Variants in KIF2A observed in about 807,000 individuals in gnomAD.
KIF2A encodes the protein kinesin-like protein KIF2A.
In KIF2A, 22 loss-of-function variants were observed where a neutral mutation model predicts 100.2. The observed-to-expected ratio is 0.22, with a 90% CI of 0.16 to 0.31. KIF2A has a LOEUF of 0.31. Among genes scored for constraint, KIF2A ranks in the 10% least tolerant of loss-of-function variants. The pLI is 1.00. For missense variants in KIF2A, 495 were observed against 898.7 expected, an observed-to-expected ratio of 0.55 and a Z score of 5.74; for synonymous variants, 268 against 285.9, an observed-to-expected ratio of 0.94 and a Z score of 0.63.
chr5:62,321,236 A>C (rs1746075743), intron 1 of KIF2A, among the ~76,000 whole-genome samples: 1 of 152,150 alleles, frequency 6.6e-6, no homozygotes, highest in Admixed American at 6.5e-5. Context: ...TTTTGTGTGG[A>C]CATAAAAGAA....
chr5:62,333,065 T>C (rs1746739668), intron 1 of KIF2A, among the ~76,000 whole-genome samples: 1 of 152,240 alleles, frequency 6.6e-6, no homozygotes, highest in Non-Finnish European at 1.5e-5. Context: ...ATTTTTTATG[T>C]CTACTGTGAT....
rs761320629 is a variant in KIF2A at position 62,373,743 on chromosome 5, A to G, written c.1817A>G (p.His606Arg). 3 of 1,613,414 alleles carry G rather than the reference A, an allele frequency of 1.9e-6. No homozygotes were observed. In the South Asian group the frequency reaches 3.3e-5, roughly 18 times the overall value. The change falls in exon 18 of 21, where the codon CAC (histidine) becomes CGC (arginine). Residue 606 changes from histidine (H) to arginine (R), a missense_variant. This residue lies in a region of KIF2A where 100 missense variants were observed against 138.2 expected (regional missense o/e 0.72). Coordinates refer to ENST00000407818, the MANE Select transcript of KIF2A (RefSeq NM_001098511.3). ...GCTGGTGATGTTCGTCCAATAATGC[A>G]CCATCCACCAAACCAGATTGATGAC... Reference protein sequence around the residue: ...TAAGDVRPIMHHPPNQIDDLE... With the variant: ...TAAGDVRPIMRHPPNQIDDLE...
At chr5:62,361,027 A>T (rs1470538804) in intron 9 of KIF2A, among the ~76,000 whole-genome samples, 2 of 152,176 alleles carry the variant, frequency 1.3e-5, no homozygotes, top group Admixed American at 6.5e-5. Flanking sequence ...ATTGCTTGAA[A>T]TTATGCTTTA....
At chr5:62,332,651 T>G (rs1419797976) in intron 1 of KIF2A, among the ~76,000 whole-genome samples, 2 of 152,168 alleles carry the variant, frequency 1.3e-5, no homozygotes, top group Non-Finnish European at 2.9e-5. Flanking sequence ...TGTCATTTTT[T>G]TAGGTCAAAT....
chr5:62,373,726 T>C lies in KIF2A; in HGVS notation c.1800T>C (p.Asp600=). The change falls in exon 18 of 21, where the codon GAT becomes GAC. Residue 600 remains aspartate, a synonymous_variant. Coordinates refer to ENST00000407818, the MANE Select transcript of KIF2A (RefSeq NM_001098511.3). ...CTGTAGATCCAACTGCTGCTGGTGA[T>C]GTTCGTCCAATAATGCACCATCCAC... is the stretch of plus-strand genomic sequence containing the variant. ...ELTVDPTAAG[D]VRPIMHHPPN... 3 of 1,613,644 alleles carry C rather than the reference T, an allele frequency of 1.9e-6. No homozygotes were observed. Among genetic ancestry groups the C allele is most frequent in the Non-Finnish European group, 2.5e-6 (3 of 1,179,578 alleles).
chr5:62,365,969 G>A (rs1741046207), intron 15 of KIF2A, among the ~76,000 whole-genome samples: 1 of 152,046 alleles, frequency 6.6e-6, no homozygotes, highest in Non-Finnish European at 1.5e-5. Context: ...TCCCTTCTGG[G>A]ACAAACTTCA....
At chr5:62,356,203 A>G (rs1165960760) in intron 7 of KIF2A, among the ~76,000 whole-genome samples, 1 of 152,248 alleles carries the variant, frequency 6.6e-6, no homozygotes, top group Non-Finnish European at 1.5e-5. Flanking sequence ...AGATAGATGT[A>G]TTATATAGAA....
chr5:62,373,778 CAG>C lies in KIF2A; in HGVS notation c.1853_1854del (p.Gln618LeufsTer11). ...PPNQIDDLET[Q>X]WGVGSSPQRD... ...AAACCAGATTGATGACTTAGAGACA[CAG>C]TGGGGTGTGGGGAGTTCCCCTCAGA... On this transcript the variant is annotated frameshift_variant, in exon 18 of 21. Transcript: ENST00000407818. LOFTEE classifies it high-confidence loss of function. The C allele has an allele frequency of 6.2e-7, 1 of 1,613,068 alleles. No homozygotes were observed. The highest frequency in any genetic ancestry group is 8.5e-7 in the Non-Finnish European group (1 of 1,179,050).
chr5:62,367,597 G>A (rs1489845398), intron 16 of KIF2A, among the ~76,000 whole-genome samples: 2 of 152,034 alleles, frequency 1.3e-5, no homozygotes, highest in African/African-American at 4.8e-5. Context: ...GTTACATTTT[G>A]TTATTCATAT....
chr5:62,382,240 G>A (rs1400422738), intron 20 of KIF2A, among the ~76,000 whole-genome samples: 2 of 152,106 alleles, frequency 1.3e-5, no homozygotes, highest in Non-Finnish European at 2.9e-5. Flanking sequence ...TGACATCCCA[G>A]CCTGGGCAAC....
At chr5:62,322,492 C>T (rs1746149602) in intron 1 of KIF2A, among the ~76,000 whole-genome samples, 1 of 152,130 alleles carries the variant, frequency 6.6e-6, no homozygotes, top group Non-Finnish European at 1.5e-5. Context: ...CTTATGTAGG[C>T]CTTTCCATGG....
intron 14 of KIF2A, among the ~76,000 whole-genome samples, chr5:62,364,210 C>T (rs1010848543): frequency 1.3e-5 from 2 of 151,478 alleles, no homozygotes; most frequent in African/African-American, 4.9e-5. Flanking sequence ...TGCAGTGACA[C>T]AATCTCGGCT....
chr5:62,306,429 C>A lies in KIF2A; in HGVS notation c.-44C>A. 1.3e-6 allele frequency: 2 copies of A among 1,492,736 alleles called. No homozygotes were observed. Among genetic ancestry groups the A allele is most frequent in the Non-Finnish European group, 1.8e-6 (2 of 1,100,916 alleles). The allele number at this position is 1,492,736 out of a possible 1,614,324, so 92.5% of individuals were successfully genotyped here. A position where few individuals can be genotyped will look rare whatever the true frequency, so the allele number is the denominator to read the frequency against. On this transcript the variant is annotated 5_prime_UTR_variant, in exon 1 of 21. Coordinates refer to ENST00000407818, the MANE Select transcript of KIF2A (RefSeq NM_001098511.3). ...CCCCCTCCCCGCCTTTTCCGCCCTC[C>A]GGTCCCCCTCCCTCGGCCCGCTGCT...
intron 20 of KIF2A, 98 bp downstream of exon 20, chr5:62,381,351 A>C: frequency 1.1e-6 from 1 of 921,554 alleles, no homozygotes; most frequent in Non-Finnish European, 1.7e-6. Context: ...ATACGAAGTG[A>C]AAATTAGGGG....
chr5:62,307,403 T>G (rs1172056603), intron 1 of KIF2A, among the ~76,000 whole-genome samples: 2 of 152,062 alleles, frequency 1.3e-5, no homozygotes, highest in Non-Finnish European at 2.9e-5. Flanking sequence ...TAGGCTTATG[T>G]ATCTTTCTCT....
At chr5:62,310,364 C>G (rs898138848) in intron 1 of KIF2A, among the ~76,000 whole-genome samples, 2 of 152,170 alleles carry the variant, frequency 1.3e-5, no homozygotes, top group African/African-American at 4.8e-5. Flanking sequence ...TCTAATGACT[C>G]TTAAATTCCC....
intron 18 of KIF2A, among the ~76,000 whole-genome samples, chr5:62,376,343 C>T (rs949343165): frequency 6.6e-6 from 1 of 152,110 alleles, no homozygotes; most frequent in African/African-American, 2.4e-5. Flanking sequence ...GCTATATTGT[C>T]TTAACAAAGT....
intron 1 of KIF2A, 101 bp downstream of exon 1, chr5:62,306,637 C>T: frequency 1.0e-6 from 1 of 982,510 alleles, no homozygotes; most frequent in Non-Finnish European, 1.5e-6. Context: ...CTTCGCCGGG[C>T]TGTGGGGGTG....
intron 3 of KIF2A, among the ~76,000 whole-genome samples, chr5:62,349,096 T>TA (rs1422575955): frequency 6.6e-6 from 1 of 152,186 alleles, no homozygotes; most frequent in African/African-American, 2.4e-5. Context: ...TAGTTACCAC[T>TA]TATACATGGA....
Sources: allele counts gnomAD v4.1 joint callset (sites outside exome capture counted in the v4.1 genomes callset), GRCh38; gene constraint gnomAD v4.1.1; regional missense constraint gnomAD v4.1.1; transcripts MANE v1.5; gene names NCBI Gene and HGNC (gene_info 2026-07-23, HGNC 2026-07-21).